Variants in LRP1B observed in about 807,000 individuals in gnomAD.
The protein encoded by LRP1B is LDL receptor related protein 1B.
A neutral mutation model predicts 556.6 loss-of-function variants in LRP1B; 217 were observed. That is an observed-to-expected ratio of 0.39 (90% CI 0.35 to 0.44). The LOEUF (loss-of-function observed/expected upper bound fraction) is 0.44. Among genes scored for constraint, LRP1B ranks in the 20% least tolerant of loss-of-function variants. The pLI is 1.00. For synonymous variants in LRP1B, 2,047 were observed against 1,865.8 expected (o/e 1.10, Z -2.50); for missense variants, 5,053 against 5,620.8 (o/e 0.90, Z 3.23).
At chr2:140,932,308 G>A in intron 20 of LRP1B, among the ~76,000 whole-genome samples, 1 of 152,026 alleles carries the variant, frequency 6.6e-6, no homozygotes, top group Non-Finnish European at 1.5e-5. Context: ...TGTTCTAAAT[G>A]AGGGGTCAGC....
intron 84 of LRP1B, among the ~76,000 whole-genome samples, chr2:140,277,689 AAAATT>A (rs1682738235): frequency 6.6e-6 from 1 of 151,980 alleles, no homozygotes. Context: ...CAAGGAGATG[AAAATT>A]AAATTAACAC....
chr2:141,602,994 T>C (rs1301632746), intron 2 of LRP1B, among the ~76,000 whole-genome samples: 11 of 152,222 alleles, frequency 7.2e-5, no homozygotes, highest in Non-Finnish European at 1.3e-4. Context: ...ATTGTTAAAT[T>C]GAGATTTACC....
intron 66 of LRP1B, among the ~76,000 whole-genome samples, chr2:140,420,788 C>T (rs1487697682): frequency 6.6e-6 from 1 of 152,072 alleles, no homozygotes; most frequent in African/African-American, 2.4e-5. Context: ...TGTAAATGCA[C>T]AGTAATCTAG....
At chr2:141,942,181 C>T (rs902023486) in intron 1 of LRP1B, among the ~76,000 whole-genome samples, 2 of 152,050 alleles carry the variant, frequency 1.3e-5, no homozygotes, top group African/African-American at 2.4e-5. Context: ...TTGTTCTCTC[C>T]TCAACCAACC....
intron 6 of LRP1B, among the ~76,000 whole-genome samples, chr2:141,211,387 C>A (rs568446642): frequency 6.6e-6 from 1 of 151,016 alleles, no homozygotes; most frequent in Non-Finnish European, 1.5e-5. Context: ...TTTGGGAGAC[C>A]AAGGCAGGTG....
chr2:141,758,279 C>T (rs930492401), intron 2 of LRP1B, among the ~76,000 whole-genome samples: 8 of 152,052 alleles, frequency 5.3e-5, no homozygotes, highest in Admixed American at 6.5e-5. Context: ...TTTGTATAAT[C>T]CAATTTATTA....
At chr2:140,750,804 T>C (rs974290238) in intron 35 of LRP1B, among the ~76,000 whole-genome samples, 6 of 152,116 alleles carry the variant, frequency 3.9e-5, no homozygotes, top group Admixed American at 1.3e-4. Context: ...ATCTAATACA[T>C]GACCAAATAT....
Position 141,049,290 on chromosome 2 carries a change from A to G in LRP1B, c.1553-68T>C, listed in dbSNP as rs1281409145. On this transcript the variant is annotated intron_variant, in intron 10 of 90. Coordinates refer to ENST00000389484, the MANE Select transcript of LRP1B (RefSeq NM_018557.3). ...AATCTTCTTTACACTGCATAATGCC[A>G]CCGTTTAACTGGCACAATTAGCGTT... 5 of 984,978 alleles carry G rather than the reference A, an allele frequency of 5.1e-6. No homozygotes were observed. In the East Asian group the frequency reaches 1.2e-4, roughly 24 times the overall value. The allele number at this position is 984,978 out of a possible 1,614,324, so 61.0% of individuals were successfully genotyped here.
chr2:141,742,243 TTTTC>T (rs199939254), intron 2 of LRP1B, among the ~76,000 whole-genome samples: 9,694 of 146,022 alleles, frequency 0.066, 992 homozygotes, highest in African/African-American at 0.23. Context: ...CCAGTTTTTT[TTTTC>T]TTTCTTTCTT....
At chr2:141,330,724 A>T (rs1433157590) in intron 3 of LRP1B, among the ~76,000 whole-genome samples, 1 of 146,676 alleles carries the variant, frequency 6.8e-6, no homozygotes, top group East Asian at 2.0e-4. Flanking sequence ...ATAATCAGGG[A>T]TTCTACTTTT....
intron 19 of LRP1B, among the ~76,000 whole-genome samples, chr2:140,951,363 G>T (rs1695709870): frequency 6.6e-6 from 1 of 152,030 alleles, no homozygotes; most frequent in Admixed American, 6.6e-5. Flanking sequence ...AAAATAAATG[G>T]CTGGGAATGC....
chr2:141,964,937 A>C (rs1218536223), intron 1 of LRP1B, among the ~76,000 whole-genome samples: 1 of 150,468 alleles, frequency 6.6e-6, no homozygotes, highest in Non-Finnish European at 1.5e-5. Context: ...TGGGCGAGGG[A>C]CATGAACAGA....
intron 82 of LRP1B, among the ~76,000 whole-genome samples, chr2:140,316,250 A>G (rs1238535142): frequency 6.6e-6 from 1 of 152,142 alleles, no homozygotes; most frequent in Non-Finnish European, 1.5e-5. Context: ...AGTAATGTCC[A>G]TTTTATAGTT....
chr2:140,475,371 A>T, intron 59 of LRP1B, 34 bp from the exon 60 acceptor site: 1 of 1,500,940 alleles, frequency 6.7e-7, no homozygotes, highest in Non-Finnish European at 9.1e-7. Context: ...TTTTGTTTAC[A>T]GATTCTCTGG....
chr2:140,391,760 CA>C (rs1007231793), intron 66 of LRP1B, among the ~76,000 whole-genome samples: 21 of 151,390 alleles, frequency 1.4e-4, no homozygotes, highest in African/African-American at 9.7e-5. Flanking sequence ...TAAGTCATAG[CA>C]AAAAAAAGTA....
intron 1 of LRP1B, among the ~76,000 whole-genome samples, chr2:141,994,877 CCT>C (rs1702446336): frequency 2.0e-5 from 3 of 152,068 alleles, no homozygotes; most frequent in Non-Finnish European, 4.4e-5. Context: ...ATTATGCTTT[CCT>C]AATATCCTAC....
At chr2:140,894,791 T>C (rs1693902645) in intron 23 of LRP1B, among the ~76,000 whole-genome samples, 2 of 151,778 alleles carry the variant, frequency 1.3e-5, no homozygotes, top group Admixed American at 6.6e-5. Context: ...TCTACAAAAA[T>C]ACAAAAATTA....
chr2:141,617,837 A>G (rs1181631236), intron 2 of LRP1B, among the ~76,000 whole-genome samples: 3 of 152,236 alleles, frequency 2.0e-5, no homozygotes, highest in Non-Finnish European at 4.4e-5. Flanking sequence ...ACTCCCATGT[A>G]TACAAGTAAT....
chr2:141,206,155 ACACG>A (rs1475265553), intron 6 of LRP1B, among the ~76,000 whole-genome samples: 1 of 151,022 alleles, frequency 6.6e-6, no homozygotes, highest in African/African-American at 2.4e-5. Flanking sequence ...ACACACACAC[ACACG>A]CACAACCAGG....
Sources: gnomAD v4.1 joint callset for allele counts (sites outside exome capture counted in the v4.1 genomes callset) on GRCh38, gnomAD v4.1.1 for gene constraint, MANE v1.5 for transcripts, NCBI Gene and HGNC (gene_info 2026-07-23, HGNC 2026-07-21) for gene names.